ODAD2: variants seen among roughly 807,000 people sequenced by gnomAD.
ODAD2 encodes outer dynein arm docking complex subunit 2, also known as outer dynein arm-docking complex subunit 2.
ODAD2 carries 89 observed loss-of-function variants against 106.8 expected under a neutral mutation model. The observed-to-expected ratio is 0.83, with a 90% CI of 0.70 to 0.99. ODAD2 has a LOEUF of 0.99. Ranked by LOEUF, ODAD2 falls within the 50% of genes least tolerant of loss-of-function variation. The pLI is 0.00. For synonymous variants in ODAD2, 404 were observed against 436.2 expected, an observed-to-expected ratio of 0.93 and a Z score of 0.92; for missense variants, 1,168 against 1,238.5, an observed-to-expected ratio of 0.94 and a Z score of 0.85.
chr10:27,930,062 C>T (rs1845507458), intron 16 of ODAD2, among the ~76,000 whole-genome samples: 1 of 151,838 alleles, frequency 6.6e-6, no homozygotes. Context: ...TTTCTATTAA[C>T]ATTTTATATA....
At chr10:27,872,874 A>T (rs769301360) in intron 17 of ODAD2, among the ~76,000 whole-genome samples, 11 of 152,186 alleles carry the variant, frequency 7.2e-5, no homozygotes, top group Non-Finnish European at 1.2e-4. Flanking sequence ...GCCTCATAAA[A>T]TGAGTTAGAG....
intron 6 of ODAD2, 114 bp from the exon 7 acceptor site, chr10:27,981,696 T>C (rs1379767858): frequency 3.9e-6 from 3 of 772,746 alleles, no homozygotes; most frequent in African/African-American, 3.7e-5. Context: ...AGGATCTATA[T>C]GGTAGTTTTA....
At chr10:27,964,329 G>C (rs983800486) in intron 9 of ODAD2, among the ~76,000 whole-genome samples, 2 of 152,168 alleles carry the variant, frequency 1.3e-5, no homozygotes, top group Non-Finnish European at 2.9e-5. Context: ...GATGAGCTGG[G>C]GTAGTCTTTT....
rs142565071 is a variant in ODAD2 at position 27,921,227 on chromosome 10, T to A, written c.2496-13450A>T. On this transcript the variant is annotated intron_variant, in intron 16 of 19. Transcript: ENST00000305242. The stretch of plus-strand genomic sequence containing the variant: ...GGAGGATCGCTTGAGCCCAGGAGTT[T>A]AAGGCTGCAGTGACCCCTCATCATG... 3.9e-3 allele frequency among the ~76,000 whole-genome samples: 596 copies of A among 151,240 alleles called. 1 individual carries two copies. Among genetic ancestry groups the A allele is most frequent in the South Asian group, 0.012 (56 of 4,774 alleles).
Position 27,944,383 on chromosome 10 carries a change from T to G in ODAD2, c.1582A>C (p.Arg528=). ...LKEISHNPQI[R]QNIVDLGGLP... is the part of the protein sequence containing the mutation. ...CCCCCAAGGTCAACAATATTCTGTC[T>G]GATTTGAGGATTATGACTGATTTCC... Residue 528 remains arginine, a synonymous_variant, in exon 12 of 20, where the codon AGA becomes CGA. Transcript: ENST00000305242. The G allele has an allele frequency of 6.2e-7, 1 of 1,614,052 alleles. No individual in the cohort carries two copies. Among genetic ancestry groups the G allele is most frequent in the Non-Finnish European group, 8.5e-7 (1 of 1,179,954 alleles).
At chr10:27,885,689 A>AAATATATAT (rs1842104382) in intron 17 of ODAD2, among the ~76,000 whole-genome samples, 4 of 30,388 alleles carry the variant, frequency 1.3e-4, no homozygotes, top group Admixed American at 6.8e-4. Context: ...ATAATATATA[A>AAATATATAT]TATATAATAT....
rs572980475 is a variant in ODAD2 at position 27,829,396 on chromosome 10, C to T, written c.3022-16771G>A. On this transcript the variant is annotated intron_variant, in intron 19 of 19. Transcript: ENST00000305242. ...TTTTTCAAACTCCCGTTGACTTAAC[C>T]TCATTCTCAAGGCCTCCTTGGCCTT... is the stretch of plus-strand genomic sequence containing the variant. Among the ~76,000 whole-genome samples, 4 of 152,280 alleles carry T rather than the reference C, an allele frequency of 2.6e-5. No homozygotes were observed. The South Asian group carries it at 6.2e-4, about 24-fold the overall frequency.
intron 16 of ODAD2, among the ~76,000 whole-genome samples, chr10:27,924,614 GAAAAAAAAAA>G (rs60226782): frequency 3.2e-4 from 4 of 12,648 alleles, no homozygotes; most frequent in African/African-American, 1.3e-3. Context: ...TGATTAGGAG[GAAAAAAAAAA>G]AAAAAAAAAA....
intron 19 of ODAD2, among the ~76,000 whole-genome samples, chr10:27,815,860 C>T (rs1367207660): frequency 2.6e-5 from 4 of 152,190 alleles, no homozygotes; most frequent in Non-Finnish European, 5.9e-5. Flanking sequence ...GAATGGAACA[C>T]TTCATATCCA....
intron 19 of ODAD2, among the ~76,000 whole-genome samples, chr10:27,842,287 G>A (rs1170322505): frequency 6.6e-6 from 1 of 152,142 alleles, no homozygotes; most frequent in Non-Finnish European, 1.5e-5. Context: ...TTCTGGGGAT[G>A]GTGAATAGAA....
At chr10:27,872,480 T>G (rs1315560564) in intron 17 of ODAD2, among the ~76,000 whole-genome samples, 2 of 151,910 alleles carry the variant, frequency 1.3e-5, no homozygotes, top group African/African-American at 4.9e-5. Flanking sequence ...CAGGATGATA[T>G]TGGCTGTGGG....
At chr10:27,964,573 G>A (rs976787820) in intron 9 of ODAD2, among the ~76,000 whole-genome samples, 3 of 152,148 alleles carry the variant, frequency 2.0e-5, no homozygotes, top group Admixed American at 1.3e-4. Flanking sequence ...AAACTCCAAG[G>A]AAAAGCTGTG....
chr10:27,949,118 C>A (rs963997535), intron 10 of ODAD2, among the ~76,000 whole-genome samples: 4 of 152,040 alleles, frequency 2.6e-5, no homozygotes, highest in Non-Finnish European at 4.4e-5. Flanking sequence ...TTGAAATGAG[C>A]AATGTATTCA....
intron 19 of ODAD2, among the ~76,000 whole-genome samples, chr10:27,828,756 C>A (rs1837258771): frequency 2.0e-5 from 3 of 151,964 alleles, no homozygotes; most frequent in Non-Finnish European, 4.4e-5. Context: ...CTAGGAAATG[C>A]TAAGAATTTG....
At chr10:27,934,090 C>T (rs114922970) in intron 16 of ODAD2, among the ~76,000 whole-genome samples, 3,911 of 152,172 alleles carry the variant, frequency 0.026, 166 homozygotes, top group African/African-American at 0.09. Context: ...AGAAGTTTCC[C>T]TGCACAAGCT....
At chr10:27,878,391 T>C (rs1487201100) in intron 17 of ODAD2, among the ~76,000 whole-genome samples, 1 of 152,204 alleles carries the variant, frequency 6.6e-6, no homozygotes, top group Non-Finnish European at 1.5e-5. Context: ...ACTGGGTGTT[T>C]TGGCGTAAAG....
At chr10:27,866,775 A>G (rs1589860385) in intron 17 of ODAD2, among the ~76,000 whole-genome samples, 1 of 152,082 alleles carries the variant, frequency 6.6e-6, no homozygotes, top group Non-Finnish European at 1.5e-5. Context: ...TAGACCAAGA[A>G]GAACTCACTC....
At chr10:27,978,309 C>A (rs1849321206) in intron 7 of ODAD2, among the ~76,000 whole-genome samples, 1 of 152,052 alleles carries the variant, frequency 6.6e-6, no homozygotes, top group African/African-American at 2.4e-5. Context: ...GGGGAAAAAG[C>A]CAAAACAAAC....
At chr10:27,836,784 AATTG>A (rs769732564) in intron 19 of ODAD2, among the ~76,000 whole-genome samples, 21 of 152,114 alleles carry the variant, frequency 1.4e-4, no homozygotes, top group Non-Finnish European at 2.1e-4. Context: ...AATTACTATC[AATTG>A]ATTGATTAAT....
Sources: gnomAD v4.1 joint callset for allele counts (sites outside exome capture counted in the v4.1 genomes callset) on GRCh38, gnomAD v4.1.1 for gene constraint, MANE v1.5 for transcripts, NCBI Gene and HGNC (gene_info 2026-07-23, HGNC 2026-07-21) for gene names.